The following SVOPL variants were observed in gnomAD, a reference collection of about 807,000 sequenced individuals.
SVOPL encodes the protein SVOP like, also known as putative transporter SVOPL.
Under a neutral mutation model 61.0 loss-of-function variants are expected in SVOPL, and 60 were observed. That is an observed-to-expected ratio of 0.98 (90% confidence interval 0.80 to 1.22). The LOEUF (loss-of-function observed/expected upper bound fraction) is 1.22. Ranked by LOEUF, SVOPL falls within the 50% of genes most tolerant of loss-of-function variation. The pLI is 0.00. For missense variants in SVOPL, 662 were observed against 643.9 expected (o/e 1.03, Z -0.30); for synonymous variants, 279 against 250.0 (o/e 1.12, Z -1.09).
At chr7:138,614,710 A>C (rs1049906461) in intron 14 of SVOPL, among the ~76,000 whole-genome samples, 1 of 152,076 alleles carries the variant, frequency 6.6e-6, no homozygotes, top group Non-Finnish European at 1.5e-5. Context: ...TTTGAACTTC[A>C]AAGGGGTGAT....
At chr7:138,651,160 G>T (rs1584835183) in intron 7 of SVOPL, among the ~76,000 whole-genome samples, 1 of 152,254 alleles carries the variant, frequency 6.6e-6, no homozygotes, top group African/African-American at 2.4e-5. Flanking sequence ...GCCTAAAGGG[G>T]TAGCAGCTGG....
intron 7 of SVOPL, among the ~76,000 whole-genome samples, chr7:138,653,592 A>G (rs1801541114): frequency 6.6e-6 from 1 of 152,090 alleles, no homozygotes; most frequent in African/African-American, 2.4e-5. Context: ...ACTTGAGGCC[A>G]GGAGTTCAAG....
chr7:138,620,124 G>GTTTTTT (rs68156955), intron 14 of SVOPL, among the ~76,000 whole-genome samples: 1 of 114,632 alleles, frequency 8.7e-6, no homozygotes, highest in African/African-American at 3.3e-5. Context: ...TTTCTGTTTT[G>GTTTTTT]TTTTTTTTTT....
At chr7:138,647,004 G>A (rs936808832) in intron 8 of SVOPL, among the ~76,000 whole-genome samples, 3 of 152,214 alleles carry the variant, frequency 2.0e-5, no homozygotes, top group Non-Finnish European at 4.4e-5. Flanking sequence ...TCTGGGGCCA[G>A]CTGTCATGAG....
At chr7:138,697,557 G>A (rs1047773015) in intron 1 of SVOPL, among the ~76,000 whole-genome samples, 8 of 144,750 alleles carry the variant, frequency 5.5e-5, no homozygotes, top group South Asian at 2.2e-4. Context: ...CCAGTGAACC[G>A]TGATCATGCC....
At chr7:138,662,560 C>G in intron 5 of SVOPL, 1 of 985,804 alleles carries the variant, frequency 1.0e-6, no homozygotes, top group Non-Finnish European at 1.2e-6. Flanking sequence ...GAGGAAAAAA[C>G]CTCCCAATAG....
chr7:138,626,079 T>TA (rs758170273), intron 12 of SVOPL, 29 bp from the exon 13 acceptor site: 1 of 1,611,946 alleles, frequency 6.2e-7, no homozygotes, highest in Non-Finnish European at 8.5e-7. Context: ...AGAGAAATTA[T>TA]AAAAGGCAGC....
chr7:138,609,720 G>GT (rs149495062), intron 14 of SVOPL, among the ~76,000 whole-genome samples: 1 of 110,406 alleles, frequency 9.1e-6, no homozygotes, highest in Non-Finnish European at 1.9e-5. Context: ...TTTTTTTTTT[G>GT]GGGGGGGTGG....
chr7:138,596,612 A>C, intron 14 of SVOPL, 82 bp from the exon 15 acceptor site: 7 of 1,510,342 alleles, frequency 4.6e-6, no homozygotes, highest in Non-Finnish European at 6.2e-6. Flanking sequence ...GAAAATACAG[A>C]TTCACTTCAC....
chr7:138,678,441 C>T lies in SVOPL; in HGVS notation c.167G>A (p.Ser56Asn). The T allele has an allele frequency of 1.9e-6, 3 of 1,551,884 alleles. No homozygotes were observed. The highest frequency in any genetic ancestry group is 2.6e-6 in the Non-Finnish European group (3 of 1,146,958). Residue 56 changes from serine (S) to asparagine (N), a missense_variant, in exon 3 of 16, where the codon AGT (serine) becomes AAT (asparagine). By Grantham distance (46) the Ser-to-Asn change is conservative. Coordinates refer to ENST00000674285, the MANE Select transcript of SVOPL (RefSeq NM_001139456.2). ...TCTCGAAGGAGCACTCACCCCAGTA[C>T]TGCCCATGATCAGAAAGAGGGCAAT... The part of the protein sequence containing the change: ...FHIALFLIMG[S>N]TGVVEAMEIM...
At chr7:138,674,671 A>G (rs140401251) in intron 3 of SVOPL, among the ~76,000 whole-genome samples, 3,115 of 151,974 alleles carry the variant, frequency 0.02, 77 homozygotes, top group East Asian at 0.1. Flanking sequence ...CCTGGCTAAC[A>G]CGGTGAAACC....
At chr7:138,613,454 T>C (rs1799146911) in intron 14 of SVOPL, among the ~76,000 whole-genome samples, 1 of 152,172 alleles carries the variant, frequency 6.6e-6, no homozygotes, top group Non-Finnish European at 1.5e-5. Flanking sequence ...CCCCTGCACT[T>C]CTCTCCATTT....
chr7:138,608,184 A>C (rs1798838008), intron 14 of SVOPL, among the ~76,000 whole-genome samples: 1 of 152,214 alleles, frequency 6.6e-6, no homozygotes, highest in Non-Finnish European at 1.5e-5. Context: ...AAAAAAAGTC[A>C]ATTTTTCCTC....
intron 9 of SVOPL, among the ~76,000 whole-genome samples, chr7:138,638,499 C>T (rs374280966): frequency 1.7e-3 from 261 of 152,116 alleles, no homozygotes; most frequent in African/African-American, 6.2e-3. Context: ...TCATATTTAG[C>T]GTCCTTGTAT....
chr7:138,597,172 G>T, intron 14 of SVOPL: 1 of 1,287,330 alleles, frequency 7.8e-7, no homozygotes. Flanking sequence ...AGTTTCTCTT[G>T]GTCTGTGTTC....
chr7:138,667,529 C>CT (rs1325933252), intron 4 of SVOPL, among the ~76,000 whole-genome samples: 1 of 152,158 alleles, frequency 6.6e-6, no homozygotes, highest in Non-Finnish European at 1.5e-5. Context: ...TTTACTCTCC[C>CT]TTTTTTCTTC....
At chr7:138,600,806 A>G (rs1798484409) in intron 14 of SVOPL, among the ~76,000 whole-genome samples, 1 of 152,174 alleles carries the variant, frequency 6.6e-6, no homozygotes, top group African/African-American at 2.4e-5. Flanking sequence ...TCACATGTCT[A>G]TCACAAACAC....
chr7:138,693,533 G>GAAAGAAAGAA (rs1219989786), intron 1 of SVOPL, among the ~76,000 whole-genome samples: 1 of 42,678 alleles, frequency 2.3e-5, no homozygotes, highest in African/African-American at 1.3e-4. Flanking sequence ...GAAAGAAAAA[G>GAAAGAAAGAA]AAAGAAAGAA....
At chr7:138,634,558 G>A (rs1800375208) in intron 9 of SVOPL, among the ~76,000 whole-genome samples, 1 of 152,090 alleles carries the variant, frequency 6.6e-6, no homozygotes, top group Admixed American at 6.6e-5. Flanking sequence ...AGAGGCAGGA[G>A]GATCACTTGA....
Sources: allele counts gnomAD v4.1 joint callset (sites outside exome capture counted in the v4.1 genomes callset), GRCh38; gene constraint gnomAD v4.1.1; transcripts MANE v1.5; gene names NCBI Gene and HGNC (gene_info 2026-07-23, HGNC 2026-07-21).